The following DCAF6 variants were observed in gnomAD, a reference collection of about 807,000 sequenced individuals.
The protein encoded by DCAF6 is DDB1 and CUL4 associated factor 6.
A neutral mutation model predicts 125.1 loss-of-function variants in DCAF6; 54 were observed. The ratio of observed to expected loss-of-function variants is 0.43; its 90% CI spans 0.35 to 0.54. The LOEUF (loss-of-function observed/expected upper bound fraction) is 0.54, where lower values mean the gene tolerates loss of function less well. DCAF6 is among the 20% of genes least tolerant of loss of function. DCAF6 has a pLI of 0.01. For missense variants in DCAF6, 934 were observed against 1,161.7 expected (o/e 0.80, Z 2.85); for synonymous variants, 371 against 390.4 (o/e 0.95, Z 0.58).
At chr1:167,924,225 A>G in the DCAF6 span, among the ~76,000 whole-genome samples, 2 of 152,216 alleles carry the variant, frequency 1.3e-5, no homozygotes, top group African/African-American at 2.4e-5. Context: ...AACATTTTAG[A>G]ATGAAATTTC....
At chr1:167,937,483 A>G (rs865886280) in intron 1 of DCAF6, among the ~76,000 whole-genome samples, 3 of 152,252 alleles carry the variant, frequency 2.0e-5, no homozygotes, top group Middle Eastern at 3.4e-3. Flanking sequence ...TTCACGCTCC[A>G]GACAGAATCC....
chr1:168,060,952 G>A (rs1284490613), intron 17 of DCAF6, among the ~76,000 whole-genome samples: 1 of 152,182 alleles, frequency 6.6e-6, no homozygotes, highest in East Asian at 1.9e-4. Context: ...CTTTGGCTTA[G>A]CAACACAGTT....
At chr1:167,863,950 C>G in the DCAF6 span, among the ~76,000 whole-genome samples, 4 of 152,098 alleles carry the variant, frequency 2.6e-5, no homozygotes, top group Non-Finnish European at 4.4e-5. Context: ...GTTTGAATTA[C>G]TTGACAGGAC....
At chr1:167,975,075 C>A in intron 4 of DCAF6, 60 bp downstream of exon 4, 3 of 1,146,860 alleles carry the variant, frequency 2.6e-6, no homozygotes, top group Non-Finnish European at 1.2e-6. Context: ...TGATTAAGTA[C>A]ATACATGTGT....
chr1:168,031,228 A>G (rs1687044739), intron 12 of DCAF6, among the ~76,000 whole-genome samples: 1 of 152,204 alleles, frequency 6.6e-6, no homozygotes, highest in African/African-American at 2.4e-5. Context: ...ACATCTCAAG[A>G]AAAATCAGAA....
Position 168,021,647 on chromosome 1 carries a change from A to T in DCAF6, c.1550-1341A>T, listed in dbSNP as rs76401243. 8.8e-3 allele frequency among the ~76,000 whole-genome samples: 1,342 copies of T among 152,236 alleles called. 14 individuals are homozygous for T. Among genetic ancestry groups the T allele is most frequent in the East Asian group, 0.058 (299 of 5,180 alleles). On this transcript the variant is annotated intron_variant, in intron 11 of 21. Coordinates refer to ENST00000367840, the MANE Select transcript of DCAF6 (RefSeq NM_001198956.2). Reference sequence around the variant, plus strand: ...AGTAAAAGCTGTTATTCAAATAATGATCATGTTTTGTCAAAATCTAGTAAG... The same window carrying T: ...AGTAAAAGCTGTTATTCAAATAATGTTCATGTTTTGTCAAAATCTAGTAAG...
chr1:167,996,228 T>G (rs1244059602), intron 7 of DCAF6, among the ~76,000 whole-genome samples: 1 of 152,158 alleles, frequency 6.6e-6, no homozygotes, highest in Non-Finnish European at 1.5e-5. Context: ...GTCTTAATTT[T>G]TTTTGTACTT....
At chr1:167,882,972 A>G in the DCAF6 span, among the ~76,000 whole-genome samples, 2 of 152,246 alleles carry the variant, frequency 1.3e-5, no homozygotes, top group African/African-American at 2.4e-5. Context: ...TGCCTGGCAC[A>G]TAGTAAGTGC....
intron 17 of DCAF6, 57 bp from the exon 18 acceptor site, chr1:168,063,564 T>C (rs1691882672): frequency 3.7e-6 from 5 of 1,347,412 alleles, no homozygotes; most frequent in Admixed American, 3.4e-5. Context: ...AAGTTTCTCA[T>C]TATTCTTTGT....
At chr1:167,963,119 G>A (rs1438331423) in intron 2 of DCAF6, among the ~76,000 whole-genome samples, 1 of 151,830 alleles carries the variant, frequency 6.6e-6, no homozygotes, top group Admixed American at 6.6e-5. Flanking sequence ...AATTAGCCAA[G>A]CATAGTGGCT....
At chr1:168,014,123 A>G (rs1225209038) in intron 10 of DCAF6, among the ~76,000 whole-genome samples, 1 of 152,188 alleles carries the variant, frequency 6.6e-6, no homozygotes, top group Non-Finnish European at 1.5e-5. Flanking sequence ...TACAAAGAAT[A>G]TATATACTTT....
chr1:167,921,056 T>A, the DCAF6 span, among the ~76,000 whole-genome samples: 1 of 152,218 alleles, frequency 6.6e-6, no homozygotes, highest in Admixed American at 6.6e-5. Flanking sequence ...CTTCCTTTGA[T>A]GTTTTCTGCC....
At chr1:167,928,980 C>T in the DCAF6 span, among the ~76,000 whole-genome samples, 1 of 152,320 alleles carries the variant, frequency 6.6e-6, no homozygotes, top group East Asian at 1.9e-4. Context: ...ACATTTTCAT[C>T]TTGTTTCTTT....
chr1:167,925,454 TATATATATATATATATATATACATATAC>T, the DCAF6 span, among the ~76,000 whole-genome samples: 2 of 114,706 alleles, frequency 1.7e-5, no homozygotes, highest in South Asian at 2.7e-4. Context: ...TATATATATA[TATATATATATATATATATATACATATAC>T]ATATACACAC....
At chr1:167,937,060 G>GA (rs1671363934) in intron 1 of DCAF6, 52 bp downstream of exon 1, 1 of 1,472,596 alleles carries the variant, frequency 6.8e-7, no homozygotes, top group Non-Finnish European at 9.4e-7. Context: ...TAGAGTGGGG[G>GA]AGGGGGCACG....
intron 4 of DCAF6, among the ~76,000 whole-genome samples, chr1:167,976,504 C>T (rs1678198416): frequency 6.6e-6 from 1 of 152,082 alleles, no homozygotes; most frequent in African/African-American, 2.4e-5. Flanking sequence ...GTCTACCTTT[C>T]GAATTACTTG....
chr1:167,915,935 G>A, the DCAF6 span, among the ~76,000 whole-genome samples: 1 of 152,140 alleles, frequency 6.6e-6, no homozygotes, highest in African/African-American at 2.4e-5. Context: ...TGGCAGAGTT[G>A]AGTTGAAACC....
intron 7 of DCAF6, among the ~76,000 whole-genome samples, chr1:167,999,969 G>A (rs556684094): frequency 6.6e-6 from 1 of 152,190 alleles, no homozygotes; most frequent in South Asian, 2.1e-4. Context: ...GCCTGTCTTG[G>A]CTTTCAACAT....
chr1:167,920,102 A>C, the DCAF6 span: 1 of 1,537,380 alleles, frequency 6.5e-7, no homozygotes. Context: ...TGTTGAAACA[A>C]AATGTTACTT....
Sources: gnomAD v4.1 joint callset for allele counts (sites outside exome capture counted in the v4.1 genomes callset) on GRCh38, gnomAD v4.1.1 for gene constraint, MANE v1.5 for transcripts, NCBI Gene and HGNC (gene_info 2026-07-23, HGNC 2026-07-21) for gene names.